The following ACOXL variants were observed in gnomAD, a reference collection of about 807,000 sequenced individuals.
ACOXL encodes acyl-coenzyme A oxidase-like protein.
ACOXL carries 70 observed loss-of-function variants against 71.9 expected under a neutral mutation model. The observed-to-expected ratio is 0.97, with a 90% confidence interval of 0.80 to 1.19. The LOEUF is 1.19. ACOXL is among the 50% of genes most tolerant of loss of function. The pLI is 0.00. For synonymous variants in ACOXL, 253 were observed against 281.6 expected (o/e 0.90, Z 1.02); for missense variants, 703 against 736.3 (o/e 0.95, Z 0.52).
rs1558843475 is a variant in ACOXL, at chr2:110,995,960, G to A, written c.1237G>A (p.Glu413Lys). ...AFLLKAVKFR[E>K]RVLQRGLVAR... ...TCTGTTGAAAGCAGTGAAATTTCGTGAAAGGGTTCTTCAGCGGGGTTTGGT... is the reference window on the plus strand; with the variant it reads ...TCTGTTGAAAGCAGTGAAATTTCGTAAAAGGGTTCTTCAGCGGGGTTTGGT... The change falls in exon 14 of 18, where the codon GAA becomes AAA. Residue 413 changes from glutamate (E) to lysine (K), a missense_variant. Transcript: ENST00000439055. 17 of 1,607,880 alleles carry A rather than the reference G, an allele frequency of 1.1e-5. No individual in the cohort carries two copies. The highest frequency in any genetic ancestry group is 1.4e-5 in the Non-Finnish European group (16 of 1,179,882).
intron 1 of ACOXL, among the ~76,000 whole-genome samples, chr2:110,764,255 T>G (rs1680758024): frequency 6.6e-6 from 1 of 151,976 alleles, no homozygotes; most frequent in Admixed American, 6.6e-5. Context: ...AACTTAGGAG[T>G]AACCAAGATG....
At chr2:111,112,931 C>T (rs2070093879) in intron 17 of ACOXL, 2 of 152,240 alleles carry the variant, frequency 1.3e-5, no homozygotes, top group Admixed American at 1.3e-4. Context: ...TGGCACCTTC[C>T]TCCGGTGGCA....
At chr2:110,785,495 C>T (rs776097431) in intron 3 of ACOXL, among the ~76,000 whole-genome samples, 1 of 151,672 alleles carries the variant, frequency 6.6e-6, no homozygotes, top group Non-Finnish European at 1.5e-5. Context: ...ACTTCCGGGT[C>T]CTACCCGGAA....
intron 17 of ACOXL, chr2:111,114,037 T>A (rs1450171231): frequency 6.6e-6 from 1 of 152,664 alleles, no homozygotes; most frequent in African/African-American, 2.4e-5. Flanking sequence ...GTTGTTTTGC[T>A]TAGTCAGGTT....
chr2:110,867,125 G>A (rs1307826386), intron 10 of ACOXL, among the ~76,000 whole-genome samples: 1 of 152,170 alleles, frequency 6.6e-6, no homozygotes, highest in Non-Finnish European at 1.5e-5. Context: ...AGTGTCCTGG[G>A]TGCTGGGAAG....
chr2:110,915,007 A>G (rs1014728745), intron 11 of ACOXL, among the ~76,000 whole-genome samples: 2 of 152,178 alleles, frequency 1.3e-5, no homozygotes, highest in Non-Finnish European at 1.5e-5. Flanking sequence ...AAACAATCCA[A>G]TGACACTCTT....
At chr2:110,908,141 C>T (rs527921551) in intron 10 of ACOXL, among the ~76,000 whole-genome samples, 2 of 152,320 alleles carry the variant, frequency 1.3e-5, no homozygotes, top group East Asian at 3.9e-4. Flanking sequence ...GGGGATTTGT[C>T]CCTGGGCATT....
At chr2:111,050,914 T>G (rs2066259724) in intron 16 of ACOXL, among the ~76,000 whole-genome samples, 2 of 152,182 alleles carry the variant, frequency 1.3e-5, no homozygotes, top group South Asian at 4.1e-4. Flanking sequence ...TTCATGGTGC[T>G]CTGGCTGGCT....
chr2:110,834,302 A>C (rs1690189121), intron 9 of ACOXL, among the ~76,000 whole-genome samples: 1 of 152,244 alleles, frequency 6.6e-6, no homozygotes, highest in Non-Finnish European at 1.5e-5. Context: ...AGCCATTGTC[A>C]TGATAATTTC....
At chr2:111,030,258 G>A (rs2065202999) in intron 14 of ACOXL, among the ~76,000 whole-genome samples, 1 of 152,150 alleles carries the variant, frequency 6.6e-6, no homozygotes, top group Non-Finnish European at 1.5e-5. Context: ...GAAGTGTCTG[G>A]CCAGCTCTTG....
At chr2:110,887,938 A>G (rs967757235) in intron 10 of ACOXL, 31 of 152,226 alleles carry the variant, frequency 2.0e-4, no homozygotes, top group Admixed American at 6.5e-5. Flanking sequence ...TAGGCACACA[A>G]AATTCCCAAC....
chr2:110,960,930 G>A (rs550958018), intron 12 of ACOXL, among the ~76,000 whole-genome samples: 1 of 152,270 alleles, frequency 6.6e-6, no homozygotes, highest in Admixed American at 6.5e-5. Context: ...CCGCATAGAC[G>A]TTTACCCAGG....
At chr2:111,068,483 T>G (rs1163773320) in intron 16 of ACOXL, among the ~76,000 whole-genome samples, 1 of 152,216 alleles carries the variant, frequency 6.6e-6, no homozygotes, top group African/African-American at 2.4e-5. Context: ...GTGAATCCTC[T>G]TAAGCTGCTC....
At chr2:110,960,922 G>A (rs3827546) in intron 12 of ACOXL, among the ~76,000 whole-genome samples, 3 of 152,086 alleles carry the variant, frequency 2.0e-5, no homozygotes, top group Admixed American at 6.5e-5. Context: ...TCTGTAAGCC[G>A]CATAGACGTT....
At chr2:110,979,531 G>A (rs1330404689) in intron 12 of ACOXL, among the ~76,000 whole-genome samples, 1 of 152,212 alleles carries the variant, frequency 6.6e-6, no homozygotes, top group African/African-American at 2.4e-5. Context: ...CCAGAAGTCT[G>A]TGTGGGGTGT....
chr2:110,871,212 G>C (rs149159957), intron 10 of ACOXL, among the ~76,000 whole-genome samples: 25 of 152,232 alleles, frequency 1.6e-4, no homozygotes, highest in Middle Eastern at 6.8e-3. Context: ...GTGCCTGCCT[G>C]GACAAGGCAA....
chr2:111,009,614 G>A (rs987394875), intron 14 of ACOXL, among the ~76,000 whole-genome samples: 6 of 152,086 alleles, frequency 3.9e-5, no homozygotes, highest in African/African-American at 9.7e-5. Context: ...GCCGCAGAGA[G>A]GGAAGCTTCA....
At chr2:111,041,279 C>T (rs557316571) in intron 15 of ACOXL, among the ~76,000 whole-genome samples, 8 of 152,182 alleles carry the variant, frequency 5.3e-5, no homozygotes, top group African/African-American at 1.4e-4. Flanking sequence ...AATGGGAGGG[C>T]GAATCGCTGC....
intron 14 of ACOXL, among the ~76,000 whole-genome samples, chr2:111,007,378 A>G (rs899505327): frequency 6.6e-6 from 1 of 152,202 alleles, no homozygotes; most frequent in Admixed American, 6.5e-5. Flanking sequence ...CTACCACTTT[A>G]TTAATGGGAA....
Sources: gnomAD v4.1 joint callset for allele counts (sites outside exome capture counted in the v4.1 genomes callset) on GRCh38, gnomAD v4.1.1 for gene constraint, MANE v1.5 for transcripts, NCBI Gene and HGNC (gene_info 2026-07-23, HGNC 2026-07-21) for gene names.